Variants in PDE9A observed in about 807,000 individuals in gnomAD.
PDE9A encodes the protein high affinity cGMP-specific 3',5'-cyclic phosphodiesterase 9A.
Under a neutral mutation model 87.4 loss-of-function variants are expected in PDE9A, and 60 were observed. The ratio of observed to expected loss-of-function variants is 0.69; its 90% CI spans 0.56 to 0.85. PDE9A has a LOEUF of 0.85. PDE9A is among the 40% of genes least tolerant of loss of function. The pLI, the probability that PDE9A is intolerant of heterozygous loss-of-function variation, is 0.00. For synonymous variants in PDE9A, 272 were observed against 279.4 expected (o/e 0.97, Z 0.27); for missense variants, 665 against 779.0 (o/e 0.85, Z 1.74).
At chr21:42,754,182 G>T in intron 10 of PDE9A, 118 bp downstream of exon 10, 4 of 530,810 alleles carry the variant, frequency 7.5e-6, no homozygotes, top group Non-Finnish European at 9.9e-6. Context: ...TCTTTTTAAA[G>T]ACTGAAAAAA....
At chr21:42,716,135 T>G (rs2146524178) in intron 4 of PDE9A, among the ~76,000 whole-genome samples, 1 of 152,030 alleles carries the variant, frequency 6.6e-6, no homozygotes, top group East Asian at 1.9e-4. Context: ...ACTCACCTAT[T>G]GAAGAGCATC....
At chr21:42,698,275 C>T (rs1269842722) in intron 3 of PDE9A, among the ~76,000 whole-genome samples, 2 of 152,192 alleles carry the variant, frequency 1.3e-5, no homozygotes, top group Non-Finnish European at 2.9e-5. Flanking sequence ...TGCTAAACTG[C>T]TGGGTCAAGG....
chr21:42,698,720 G>T (rs1324755711), intron 3 of PDE9A, among the ~76,000 whole-genome samples: 1 of 152,146 alleles, frequency 6.6e-6, no homozygotes, highest in African/African-American at 2.4e-5. Context: ...TAGTACCCAT[G>T]ACAACATTTA....
In PDE9A at chr21:42,692,706, G is replaced by A. The variant is rs149826092; in HGVS notation, c.218+4712G>A. The stretch of plus-strand genomic sequence containing the variant: ...TCTGACCCAGGGGCTTTTCTCTCCC[G>A]CTTCCGTCCCTCTTCCCTCGCCGGC... On this transcript the variant is annotated intron_variant, in intron 3 of 19. Transcript: ENST00000291539. This position sits in a 1 kb window ranked among gnomAD's most constrained non-coding sequence, Gnocchi z 4.3. Among the ~76,000 whole-genome samples, 295 of 152,206 alleles carry A rather than the reference G, an allele frequency of 1.9e-3. 2 individuals carry two copies. The highest frequency in any genetic ancestry group is 6.7e-3 in the African/African-American group (280 of 41,526).
At chr21:42,724,333 T>C (rs1007446053) in intron 4 of PDE9A, among the ~76,000 whole-genome samples, 3 of 152,200 alleles carry the variant, frequency 2.0e-5, no homozygotes, top group Non-Finnish European at 4.4e-5. Flanking sequence ...AGGGCTTACG[T>C]GGCCAGGGCT....
chr21:42,769,766 G>A, intron 17 of PDE9A, among the ~76,000 whole-genome samples: 1 of 144,752 alleles, frequency 6.9e-6, no homozygotes, highest in Non-Finnish European at 1.6e-5. Flanking sequence ...GTATGCACAT[G>A]CACGCACACA....
chr21:42,774,553 C>G (rs917814847), intron 19 of PDE9A, among the ~76,000 whole-genome samples: 5 of 152,090 alleles, frequency 3.3e-5, no homozygotes, highest in Non-Finnish European at 5.9e-5. Flanking sequence ...TAAATGTGTT[C>G]AGCAATATAT....
chr21:42,737,166 C>T (rs971866044), intron 7 of PDE9A, among the ~76,000 whole-genome samples: 6 of 152,354 alleles, frequency 3.9e-5, no homozygotes, highest in East Asian at 3.9e-4. Context: ...ATGGGGAAGG[C>T]GGCCAGGAGC....
rs982692843 is a variant in PDE9A, at chr21:42,739,328, T to C, written c.569-4448T>C. 6.6e-6 allele frequency among the ~76,000 whole-genome samples: 1 copy of C among 152,048 alleles called. No homozygotes were observed. Among genetic ancestry groups the C allele is most frequent in the Non-Finnish European group, 1.5e-5 (1 of 67,988 alleles). On this transcript the variant is annotated intron_variant, in intron 7 of 19. Coordinates refer to ENST00000291539, the MANE Select transcript of PDE9A (RefSeq NM_002606.3). The surrounding 1 kb of genome is among the most constrained non-coding windows in gnomAD (Gnocchi z 4.1). ...GGACTGGCCCGCTCCTCCCTCTGGA[T>C]TGAGGTGGAGCAGGGCTGGCAGTGG...
chr21:42,685,608 A>T (rs2146165017), intron 1 of PDE9A, among the ~76,000 whole-genome samples: 1 of 151,694 alleles, frequency 6.6e-6, no homozygotes, highest in East Asian at 1.9e-4. Flanking sequence ...CTGGGATTAC[A>T]GGCACCTGCC....
chr21:42,692,863 C>T lies in PDE9A; in HGVS notation c.218+4869C>T, dbSNP rs115841735. Among the ~76,000 whole-genome samples, 1,230 of 152,328 alleles carry T rather than the reference C, an allele frequency of 8.1e-3. 11 individuals carry two copies. Among genetic ancestry groups the T allele is most frequent in the African/African-American group, 0.028 (1,173 of 41,574 alleles). On this transcript the variant is annotated intron_variant, in intron 3 of 19. Coordinates refer to ENST00000291539, the MANE Select transcript of PDE9A (RefSeq NM_002606.3). This position sits in a 1 kb window ranked among gnomAD's most constrained non-coding sequence, Gnocchi z 4.3. Reference sequence around the variant, plus strand: ...TGTGCTTCGGGGCCCGCACGCCTTGCTCCTCGCACTCTTCCTGCACCGGAG... The same window carrying T: ...TGTGCTTCGGGGCCCGCACGCCTTGTTCCTCGCACTCTTCCTGCACCGGAG...
At chr21:42,741,806 GA>G (rs571015542) in intron 7 of PDE9A, 6 of 152,310 alleles carry the variant, frequency 3.9e-5, no homozygotes, top group South Asian at 4.1e-4. Flanking sequence ...GGGTGGGAAG[GA>G]GTTGTTACAA....
chr21:42,716,871 C>T (rs1229311362), intron 4 of PDE9A, among the ~76,000 whole-genome samples: 3 of 149,768 alleles, frequency 2.0e-5, no homozygotes, highest in Non-Finnish European at 4.4e-5. Flanking sequence ...CTGCCTCAGC[C>T]TCCCGAGTAG....
At chr21:42,772,339 G>A (rs117459332) in intron 18 of PDE9A, 100 bp from the exon 19 acceptor site, 8,200 of 750,186 alleles carry the variant, frequency 0.011, 99 homozygotes, top group South Asian at 0.037. Flanking sequence ...AGGCTTTCAC[G>A]TTGCAGCACC....
At chr21:42,684,124 A>G (rs1237750342) in intron 1 of PDE9A, among the ~76,000 whole-genome samples, 1 of 152,242 alleles carries the variant, frequency 6.6e-6, no homozygotes, top group Non-Finnish European at 1.5e-5. Context: ...CTGCGTGGGA[A>G]TCCCTCAGCC....
intron 1 of PDE9A, among the ~76,000 whole-genome samples, chr21:42,673,347 C>G (rs2058666254): frequency 6.6e-6 from 1 of 152,172 alleles, no homozygotes; most frequent in Admixed American, 6.5e-5. Context: ...ACGGACCCAG[C>G]CAAGCCCAGG....
intron 1 of PDE9A, among the ~76,000 whole-genome samples, chr21:42,679,437 G>C (rs2059038988): frequency 6.6e-6 from 1 of 151,944 alleles, no homozygotes; most frequent in Non-Finnish European, 1.5e-5. Flanking sequence ...CTTTACTTGA[G>C]TCTTGGTTTT....
chr21:42,731,497 G>A (rs151239513), intron 4 of PDE9A, among the ~76,000 whole-genome samples: 2,386 of 152,220 alleles, frequency 0.016, 80 homozygotes, highest in Admixed American at 0.078. Flanking sequence ...GCCTGGTCAG[G>A]AAACAGGAAG....
intron 8 of PDE9A, among the ~76,000 whole-genome samples, chr21:42,745,327 A>T (rs1427631691): frequency 2.0e-5 from 3 of 152,184 alleles, no homozygotes; most frequent in African/African-American, 7.2e-5. Flanking sequence ...TGTCTGTCCC[A>T]TGCACTCATG....
Sources: allele counts gnomAD v4.1 joint callset (sites outside exome capture counted in the v4.1 genomes callset), GRCh38; gene constraint gnomAD v4.1.1; non-coding constraint Gnocchi (gnomAD v3.1); transcripts MANE v1.5; gene names NCBI Gene and HGNC (gene_info 2026-07-23, HGNC 2026-07-21).